The following DHRSX variants were observed in gnomAD, a reference collection of about 807,000 sequenced individuals.
The protein encoded by DHRSX is dehydrogenase/reductase X-linked.
In DHRSX, 31 loss-of-function variants were observed where a neutral mutation model predicts 34.0. The ratio of observed to expected loss-of-function variants is 0.91; its 90% CI spans 0.69 to 1.23. DHRSX has a LOEUF of 1.23. Ranked by LOEUF, DHRSX falls within the 50% of genes most tolerant of loss-of-function variation. DHRSX has a pLI of 0.00. For missense variants in DHRSX, 414 were observed against 428.1 expected (o/e 0.97, Z 0.29); for synonymous variants, 201 against 183.8 (o/e 1.09, Z -0.76).
intron 3 of DHRSX, among the ~76,000 whole-genome samples, chrX:2,316,190 C>A (rs2042239830): frequency 6.7e-6 from 1 of 150,370 alleles, no homozygotes; most frequent in South Asian, 2.2e-4. Flanking sequence ...GGCTGTCAGA[C>A]AATGGTGGCT....
chrX:2,459,122 A>T (rs899703291), intron 1 of DHRSX, among the ~76,000 whole-genome samples: 1 of 152,076 alleles, frequency 6.6e-6, no homozygotes, highest in Non-Finnish European at 1.5e-5. Flanking sequence ...TGGGTGATAG[A>T]GGGTGAGACT....
intron 6 of DHRSX, among the ~76,000 whole-genome samples, chrX:2,224,765 TACTCAC>T (rs2015602078): frequency 6.6e-6 from 1 of 151,530 alleles, no homozygotes; most frequent in Non-Finnish European, 1.5e-5. Context: ...TGCACATGCA[TACTCAC>T]ACTCATTCAC....
chrX:2,311,027 C>A (rs2042158197), intron 3 of DHRSX, among the ~76,000 whole-genome samples: 1 of 148,074 alleles, frequency 6.8e-6, no homozygotes, highest in South Asian at 2.1e-4. Flanking sequence ...CTCCATTGCA[C>A]CCCAGACTGA....
chrX:2,398,162 G>A (rs187601770), intron 3 of DHRSX, among the ~76,000 whole-genome samples: 50 of 152,284 alleles, frequency 3.3e-4, no homozygotes, highest in African/African-American at 1.2e-3. Flanking sequence ...TGGTGCTGCA[G>A]AAGTATCTCT....
rs2043141136 is a variant in DHRSX, at chrX:2,376,409, G to C, written c.286+32336C>G. Among the ~76,000 whole-genome samples, 2 of 137,472 alleles carry C rather than the reference G, an allele frequency of 1.5e-5. 1 individual carries two copies. Among genetic ancestry groups the C allele is most frequent in the Admixed American group, 1.4e-4 (2 of 13,802 alleles). 90.2% of individuals were successfully genotyped at this position (137,472 alleles called of 152,430 possible). On this transcript the variant is annotated intron_variant, in intron 3 of 6. Transcript: ENST00000334651. ...CCACAGAGGATGACATCGTCATTCA[G>C]GTGGCCATGAAGAAAGGCTTTGAAT...
intron 1 of DHRSX, among the ~76,000 whole-genome samples, chrX:2,459,891 T>C (rs2044379348): frequency 6.6e-6 from 1 of 152,036 alleles, no homozygotes. Context: ...GTGGATCACC[T>C]GAGGTCAGGA....
intron 4 of DHRSX, among the ~76,000 whole-genome samples, chrX:2,284,425 T>C (rs2041779590): frequency 6.6e-6 from 1 of 152,034 alleles, no homozygotes; most frequent in Non-Finnish European, 1.5e-5. Flanking sequence ...AATGAATGAA[T>C]GAATGAATGG....
At position 2,466,389 on chromosome X, in the gene DHRSX, G is replaced by C. The variant is rs1000985242; in HGVS notation, c.109+34428C>G. 2.1e-4 allele frequency among the ~76,000 whole-genome samples: 31 copies of C among 146,812 alleles called. 1 individual carries two copies. The highest frequency in any genetic ancestry group is 7.5e-5 in the Non-Finnish European group (5 of 66,826). On this transcript the variant is annotated intron_variant, in intron 1 of 6. Coordinates refer to ENST00000334651, the MANE Select transcript of DHRSX (RefSeq NM_145177.3). Reference sequence around the variant, plus strand: ...GGAACAGGAGGTTGTGGTGAGCTGAGATCACACCACTGCACTCCAGCCTGG... The same window carrying C: ...GGAACAGGAGGTTGTGGTGAGCTGACATCACACCACTGCACTCCAGCCTGG...
At chrX:2,412,233 A>C (rs2043640212) in intron 2 of DHRSX, among the ~76,000 whole-genome samples, 1 of 152,194 alleles carries the variant, frequency 6.6e-6, no homozygotes, top group Non-Finnish European at 1.5e-5. Context: ...TTATATGTGC[A>C]ATGGAAATTG....
At chrX:2,325,532 C>A (rs1386563235) in intron 3 of DHRSX, among the ~76,000 whole-genome samples, 1 of 152,134 alleles carries the variant, frequency 6.6e-6, no homozygotes, top group Admixed American at 6.5e-5. Flanking sequence ...AGAGCCCCGA[C>A]CAACTACAAA....
intron 3 of DHRSX, among the ~76,000 whole-genome samples, chrX:2,338,505 G>A (rs997767301): frequency 2.0e-5 from 3 of 151,888 alleles, no homozygotes; most frequent in Non-Finnish European, 4.4e-5. Context: ...AATGGGAGGG[G>A]TTTGAGCAAC....
chrX:2,338,864 C>G (rs899281656), intron 3 of DHRSX, among the ~76,000 whole-genome samples: 1 of 151,978 alleles, frequency 6.6e-6, no homozygotes, highest in African/African-American at 2.4e-5. Context: ...CTCTCTCTAC[C>G]ATGGGGTATT....
In DHRSX at chrX:2,367,607, T is replaced by C. The variant is rs138084612; in HGVS notation, c.286+41138A>G. ...TGCATGGAAAATAATATTTTAAATG[T>C]CTCCTATTGACCTAAGTTATAAAGT... On this transcript the variant is annotated intron_variant, in intron 3 of 6. Coordinates refer to ENST00000334651, the MANE Select transcript of DHRSX (RefSeq NM_145177.3). Among the ~76,000 whole-genome samples, 1,028 of 152,246 alleles carry C rather than the reference T, an allele frequency of 6.8e-3. 3 individuals are homozygous for C. The highest frequency in any genetic ancestry group is 0.011 in the Non-Finnish European group (725 of 68,018).
intron 1 of DHRSX, among the ~76,000 whole-genome samples, chrX:2,441,570 T>C (rs6567735): frequency 0.21 from 32,555 of 151,864 alleles, 5,842 homozygotes; most frequent in African/African-American, 0.48. Flanking sequence ...CAGATGCCCA[T>C]GGAGACATGA....
At chrX:2,426,757 T>C (rs2043855345) in intron 1 of DHRSX, among the ~76,000 whole-genome samples, 1 of 146,848 alleles carries the variant, frequency 6.8e-6, no homozygotes, top group Admixed American at 6.8e-5. Context: ...TTCCTTCCCT[T>C]CCCTTCCTTT....
At chrX:2,415,710 T>C (rs960076976) in intron 2 of DHRSX, among the ~76,000 whole-genome samples, 3 of 151,294 alleles carry the variant, frequency 2.0e-5, no homozygotes, top group African/African-American at 7.3e-5. Flanking sequence ...TGAATATGAC[T>C]AGATCTCATC....
At chrX:2,292,188 T>C (rs1399555018) in intron 3 of DHRSX, among the ~76,000 whole-genome samples, 3 of 152,200 alleles carry the variant, frequency 2.0e-5, no homozygotes, top group Non-Finnish European at 2.9e-5. Flanking sequence ...TGTGAGCTGA[T>C]GTTTTGTGAG....
At chrX:2,490,838 GAGAC>G (rs1415445553) in intron 1 of DHRSX, 1 of 1,405,972 alleles carries the variant, frequency 7.1e-7, no homozygotes, top group Non-Finnish European at 9.7e-7. Flanking sequence ...CCCTGCCGGG[GAGAC>G]AGACAGGGTG....
At chrX:2,489,283 G>A in intron 1 of DHRSX, 1 of 1,613,968 alleles carries the variant, frequency 6.2e-7, no homozygotes, top group Non-Finnish European at 8.5e-7. Flanking sequence ...GCAGCCTCTT[G>A]TAGCGGGGGT....
Sources: allele counts gnomAD v4.1 joint callset (sites outside exome capture counted in the v4.1 genomes callset), GRCh38; gene constraint gnomAD v4.1.1; transcripts MANE v1.5; gene names NCBI Gene and HGNC (gene_info 2026-07-23, HGNC 2026-07-21).